The following TTLL7 variants were observed in gnomAD, a reference collection of about 807,000 sequenced individuals.
TTLL7 encodes tubulin tyrosine ligase like 7, also known as tubulin polyglutamylase TTLL7.
In TTLL7, 53 loss-of-function variants were observed where a neutral mutation model predicts 120.2. That is an observed-to-expected ratio of 0.44 (90% confidence interval 0.35 to 0.55). TTLL7 has a LOEUF of 0.55. TTLL7 is among the 20% of genes least tolerant of loss of function. The pLI is 0.00. For synonymous variants in TTLL7, 353 were observed against 351.7 expected (o/e 1.00, Z -0.04); for missense variants, 803 against 1,054.7 (o/e 0.76, Z 3.31).
intron 19 of TTLL7, chr1:83,887,260 T>C: frequency 8.0e-7 from 1 of 1,243,636 alleles, no homozygotes; most frequent in Non-Finnish European, 1.0e-6. Context: ...ACTTGGATTA[T>C]ATTTTTCTAA....
intron 1 of TTLL7, among the ~76,000 whole-genome samples, chr1:83,958,688 A>G (rs929882187): frequency 3.3e-5 from 5 of 152,240 alleles, no homozygotes; most frequent in African/African-American, 1.2e-4. Flanking sequence ...TCTCATATGA[A>G]AGAGAATAAA....
chr1:83,934,000 G>T (rs1647193610), intron 8 of TTLL7, among the ~76,000 whole-genome samples: 1 of 152,134 alleles, frequency 6.6e-6, no homozygotes, highest in South Asian at 2.1e-4. Flanking sequence ...AGTCCTTTGA[G>T]TTAGCTGTTC....
At chr1:83,954,349 C>T (rs796559156) in intron 1 of TTLL7, among the ~76,000 whole-genome samples, 22 of 152,280 alleles carry the variant, frequency 1.4e-4, no homozygotes, top group African/African-American at 5.1e-4. Flanking sequence ...TGCATATATG[C>T]GCTTTACTTA....
chr1:83,887,115 C>T, intron 19 of TTLL7: 1 of 544,930 alleles, frequency 1.8e-6, no homozygotes, highest in Non-Finnish European at 2.5e-6. Context: ...CTAGGGAAAC[C>T]TACCACAAAG....
Position 83,929,200 on chromosome 1 carries a change from G to A in TTLL7, c.1078C>T (p.Gln360Ter). 1 of 1,611,738 alleles carries A rather than the reference G, an allele frequency of 6.2e-7. No individual in the cohort carries two copies. The highest frequency in any genetic ancestry group is 8.5e-7 in the Non-Finnish European group (1 of 1,178,622). Residue 360 changes from glutamine (Q) to a stop codon, truncating the protein, a stop_gained, in exon 10 of 21, where the codon CAG (glutamine) becomes TAG (stop). Coordinates refer to ENST00000260505, the MANE Select transcript of TTLL7 (RefSeq NM_024686.6). LOFTEE classifies it high-confidence loss of function. ...CTTTTTACATCATAGTCTATTTTCT[G>A]ATCAGTTCCAAAGCTTGGGGCTCGG... ...INRAPSFGTD[Q>*]KIDYDVKRGV... is the part of the protein sequence containing the mutation.
chr1:83,892,938 G>GAAAAGAAAGAAAGA (rs71582909), intron 18 of TTLL7, among the ~76,000 whole-genome samples: 3 of 42,582 alleles, frequency 7.0e-5, no homozygotes, highest in Non-Finnish European at 1.5e-4. Flanking sequence ...GAGAAAGAAA[G>GAAAAGAAAGAAAGA]AAAGAAAGAA....
chr1:83,926,338 T>G (rs1401704222), intron 10 of TTLL7, among the ~76,000 whole-genome samples: 1 of 152,124 alleles, frequency 6.6e-6, no homozygotes, highest in Non-Finnish European at 1.5e-5. Flanking sequence ...ACTCACTACA[T>G]GTTTATTGAG....
At chr1:83,906,578 T>C (rs1157564130) in intron 16 of TTLL7, 115 bp from the exon 17 acceptor site, 15 of 1,481,324 alleles carry the variant, frequency 1.0e-5, no homozygotes, top group Non-Finnish European at 1.4e-5. Flanking sequence ...ACAATAACAA[T>C]GAAAAAGGAA....
chr1:83,900,438 G>C (rs1270590861), intron 18 of TTLL7, among the ~76,000 whole-genome samples: 2 of 151,978 alleles, frequency 1.3e-5, no homozygotes, highest in East Asian at 3.9e-4. Context: ...AAGATATCTG[G>C]TTGTAGGGGA....
In TTLL7 at chr1:83,867,734, A is replaced by G. The variant is rs1557489925; in HGVS notation, c.*2228T>C. The G allele has an allele frequency of 1.3e-5, 2 of 151,664 alleles. No homozygotes were observed. The highest frequency in any genetic ancestry group is 4.8e-5 in the African/African-American group (2 of 41,242). The allele number at this position is 151,664 out of a possible 1,614,324, so 9.4% of individuals were successfully genotyped here. On this transcript the variant is annotated 3_prime_UTR_variant, in exon 21 of 21. Coordinates refer to ENST00000260505, the MANE Select transcript of TTLL7 (RefSeq NM_024686.6). ...GGCTGTTATCATATATCAGACACTTATATATATATTTTTGTGGCCAAATCA... is the reference window on the plus strand; with the variant it reads ...GGCTGTTATCATATATCAGACACTTGTATATATATTTTTGTGGCCAAATCA...
chr1:83,886,726 A>C (rs939778174), intron 19 of TTLL7, among the ~76,000 whole-genome samples: 2 of 151,732 alleles, frequency 1.3e-5, no homozygotes, highest in Non-Finnish European at 2.9e-5. Context: ...GGGCTTTCCC[A>C]AACCATGCAT....
At chr1:83,873,937 CCTGT>C (rs906659126) in intron 20 of TTLL7, among the ~76,000 whole-genome samples, 6 of 151,984 alleles carry the variant, frequency 3.9e-5, no homozygotes, top group Non-Finnish European at 7.4e-5. Flanking sequence ...GAATATCTGT[CCTGT>C]CTTTTTAAAA....
chr1:83,880,685 C>A (rs1437193851), intron 20 of TTLL7, among the ~76,000 whole-genome samples: 1 of 152,054 alleles, frequency 6.6e-6, no homozygotes, highest in Non-Finnish European at 1.5e-5. Flanking sequence ...AACTTAGATT[C>A]AATGCCATCC....
chr1:83,895,243 C>T (rs1656111978), intron 18 of TTLL7, among the ~76,000 whole-genome samples: 1 of 151,982 alleles, frequency 6.6e-6, no homozygotes, highest in African/African-American at 2.4e-5. Flanking sequence ...TTACCAGGTC[C>T]CCAAGGCTTA....
rs1553129450 is a variant in TTLL7 at position 83,892,930 on chromosome 1, G to GAAAGAAAGAAAGAAAGA, written c.2209-2466_2209-2450dup. 4.8e-4 allele frequency among the ~76,000 whole-genome samples: 46 copies of GAAAGAAAGAAAGAAAGA among 94,914 alleles called. 1 individual carries two copies. The highest frequency in any genetic ancestry group is 2.7e-3 in the African/African-American group (45 of 16,698). The allele number at this position is 94,914 out of a possible 152,430, so 62.3% of individuals were successfully genotyped here. ...GAAAAAGAAAAAAGAAAGAAAAAGA[G>GAAAGAAAGAAAGAAAGA]AAAGAAAGAAAGAAAGAAAGAAAAG... is the stretch of plus-strand genomic sequence containing the variant. On this transcript the variant is annotated intron_variant, in intron 18 of 20. Coordinates refer to ENST00000260505, the MANE Select transcript of TTLL7 (RefSeq NM_024686.6).
intron 18 of TTLL7, among the ~76,000 whole-genome samples, chr1:83,895,110 A>G (rs924321985): frequency 6.6e-6 from 1 of 152,076 alleles, no homozygotes; most frequent in African/African-American, 2.4e-5. Context: ...CTATTGTTTG[A>G]TATCTTAATG....
At chr1:83,874,129 C>T (rs932690675) in intron 20 of TTLL7, among the ~76,000 whole-genome samples, 17 of 152,048 alleles carry the variant, frequency 1.1e-4, no homozygotes, top group African/African-American at 3.9e-4. Context: ...GAAGTACTAA[C>T]GCCCCATTTT....
At chr1:83,875,062 G>A (rs532134058) in intron 20 of TTLL7, among the ~76,000 whole-genome samples, 1 of 151,722 alleles carries the variant, frequency 6.6e-6, no homozygotes, top group African/African-American at 2.4e-5. Context: ...AAACATAAAT[G>A]TTCCATTGAA....
chr1:83,874,423 C>T (rs998397041), intron 20 of TTLL7, among the ~76,000 whole-genome samples: 2 of 152,098 alleles, frequency 1.3e-5, no homozygotes, highest in South Asian at 4.1e-4. Context: ...ATAAATAATG[C>T]TTCTGTGAAC....
Sources: gnomAD v4.1 joint callset for allele counts (sites outside exome capture counted in the v4.1 genomes callset) on GRCh38, gnomAD v4.1.1 for gene constraint, MANE v1.5 for transcripts, NCBI Gene and HGNC (gene_info 2026-07-23, HGNC 2026-07-21) for gene names.